KYNU: variants seen among roughly 807,000 people sequenced by gnomAD.
The protein encoded by KYNU is L-kynurenine hydrolase.
A neutral mutation model predicts 59.2 loss-of-function variants in KYNU; 54 were observed. That is an observed-to-expected ratio of 0.91 (90% CI 0.73 to 1.14). The LOEUF (loss-of-function observed/expected upper bound fraction) is 1.14. Ranked by LOEUF, KYNU falls within the 50% of genes most tolerant of loss-of-function variation. KYNU has a pLI of 0.00. For missense variants in KYNU, 567 were observed against 554.4 expected, an observed-to-expected ratio of 1.02 and a Z score of -0.23; for synonymous variants, 177 against 192.0, an observed-to-expected ratio of 0.92 and a Z score of 0.65.
chr2:142,953,442 G>T (rs1281329149), intron 4 of KYNU, among the ~76,000 whole-genome samples: 1 of 152,176 alleles, frequency 6.6e-6, no homozygotes, highest in African/African-American at 2.4e-5. Context: ...ATATAGAGTT[G>T]CTTTAGCCTC....
intron 2 of KYNU, among the ~76,000 whole-genome samples, chr2:142,901,131 C>T: frequency 6.6e-6 from 1 of 151,532 alleles, no homozygotes; most frequent in Non-Finnish European, 1.5e-5. Context: ...ACACACTTCA[C>T]AGGCCCTGAC....
chr2:142,911,442 A>C (rs1225302790), intron 2 of KYNU, among the ~76,000 whole-genome samples: 1 of 152,156 alleles, frequency 6.6e-6, no homozygotes, highest in Non-Finnish European at 1.5e-5. Flanking sequence ...ATTGTGTAGC[A>C]GTTCTAGGAG....
chr2:142,898,407 T>C (rs983761107), intron 2 of KYNU, among the ~76,000 whole-genome samples: 1 of 152,064 alleles, frequency 6.6e-6, no homozygotes, highest in African/African-American at 2.4e-5. Context: ...CTTTCATTCT[T>C]AGCTATGTCT....
intron 12 of KYNU, among the ~76,000 whole-genome samples, chr2:143,034,834 G>T (rs1367444670): frequency 6.6e-6 from 1 of 152,164 alleles, no homozygotes; most frequent in Non-Finnish European, 1.5e-5. Flanking sequence ...AATATCAGAA[G>T]CACCAGGACA....
chr2:142,988,623 G>A (rs570067903), intron 10 of KYNU, among the ~76,000 whole-genome samples: 4 of 151,914 alleles, frequency 2.6e-5, no homozygotes, highest in African/African-American at 9.6e-5. Context: ...AGCTGTTGTT[G>A]CATTTTAACA....
chr2:142,923,695 A>C (rs1682960903), intron 3 of KYNU, among the ~76,000 whole-genome samples: 1 of 152,228 alleles, frequency 6.6e-6, no homozygotes, highest in African/African-American at 2.4e-5. Context: ...TATGTTCCTA[A>C]AATAGAATCA....
rs115612992 is a variant in KYNU at position 142,923,409 on chromosome 2, T to C, written c.291-4250T>C. On this transcript the variant is annotated intron_variant, in intron 3 of 13. Coordinates refer to ENST00000264170, the MANE Select transcript of KYNU (RefSeq NM_003937.3). ...CCAGTATTCTGAAATATAAAACTTT[T>C]TGGGTGATTATATTTATTTGATACT... 7.6e-3 allele frequency among the ~76,000 whole-genome samples: 1,162 copies of C among 152,316 alleles called. 7 individuals carry two copies. Among genetic ancestry groups the C allele is most frequent in the African/African-American group, 0.027 (1,114 of 41,558 alleles).
intron 10 of KYNU, among the ~76,000 whole-genome samples, chr2:143,005,516 TAAG>T (rs1685851599): frequency 2.0e-5 from 3 of 151,890 alleles, no homozygotes; most frequent in Middle Eastern, 3.4e-3. Context: ...GACGAAAAAA[TAAG>T]AAGAAAGGCT....
At chr2:142,886,695 A>G (rs1681525529) in intron 2 of KYNU, among the ~76,000 whole-genome samples, 1 of 152,218 alleles carries the variant, frequency 6.6e-6, no homozygotes, top group South Asian at 2.1e-4. Flanking sequence ...AAATTTAGGA[A>G]AGGAATTCTT....
At position 142,905,455 on chromosome 2, in the gene KYNU, G is replaced by A. The variant is rs576572863; in HGVS notation, c.170-13154G>A. Among the ~76,000 whole-genome samples, 7 of 152,256 alleles carry A rather than the reference G, an allele frequency of 4.6e-5. No individual in the cohort carries two copies. The South Asian group carries it at 1.0e-3, about 23-fold the overall frequency. ...GAGGAAGCATCTATCCTTGTGTCCC[G>A]AAGGGAGTTCCTCCTAGGTCTGGTA... On this transcript the variant is annotated intron_variant, in intron 2 of 13. Transcript: ENST00000264170.
At chr2:142,955,908 G>T (rs1684146457) in intron 5 of KYNU, among the ~76,000 whole-genome samples, 1 of 152,060 alleles carries the variant, frequency 6.6e-6, no homozygotes, top group African/African-American at 2.4e-5. Flanking sequence ...TTAATCATCA[G>T]ACTTTAAGTT....
chr2:142,988,847 G>C, intron 10 of KYNU: 1 of 1,604,320 alleles, frequency 6.2e-7, no homozygotes, highest in Non-Finnish European at 8.5e-7. Flanking sequence ...TGCATTAGGA[G>C]ATCGGAGTTC....
chr2:143,030,045 T>C (rs1396730481), intron 11 of KYNU, among the ~76,000 whole-genome samples: 1 of 152,214 alleles, frequency 6.6e-6, no homozygotes, highest in Non-Finnish European at 1.5e-5. Context: ...ACTTTGCTGC[T>C]TAATAGTTTT....
rs1374105429 is a variant in KYNU at position 143,046,571 on chromosome 2, T to G, written c.*4399T>G. 1 of 151,256 alleles carries G rather than the reference T, an allele frequency of 6.6e-6. No individual in the cohort carries two copies. Among genetic ancestry groups the G allele is most frequent in the Admixed American group, 6.6e-5 (1 of 15,176 alleles). 9.4% of individuals were successfully genotyped at this position (151,256 alleles called of 1,614,324 possible). The stretch of plus-strand genomic sequence containing the variant: ...TTCTATATATCTATATAAATATAGA[T>G]ATGTAGATATATGAAAGCAATATAT... On this transcript the variant is annotated 3_prime_UTR_variant, in exon 14 of 14. Transcript: ENST00000264170.
intron 8 of KYNU, among the ~76,000 whole-genome samples, chr2:142,961,312 G>A (rs886777893): frequency 1.1e-4 from 14 of 125,116 alleles, no homozygotes; most frequent in Non-Finnish European, 1.7e-4. Context: ...CACTTCTGTG[G>A]TCTCACCTCC....
intron 2 of KYNU, among the ~76,000 whole-genome samples, chr2:142,898,894 G>C (rs1464385415): frequency 6.6e-6 from 1 of 152,188 alleles, no homozygotes; most frequent in Non-Finnish European, 1.5e-5. Flanking sequence ...GCTTGATTAG[G>C]ATGAACCCAG....
At chr2:142,959,831 T>G (rs1684282295) in intron 7 of KYNU, among the ~76,000 whole-genome samples, 1 of 152,214 alleles carries the variant, frequency 6.6e-6, no homozygotes. Context: ...TAGATTAGTT[T>G]GGAGGAGATT....
intron 10 of KYNU, chr2:142,988,719 ATTG>A: frequency 1.3e-6 from 1 of 773,246 alleles, no homozygotes; most frequent in East Asian, 2.5e-5. Flanking sequence ...TTTTCTGTTT[ATTG>A]TTTTCTCACA....
chr2:142,978,202 T>C (rs997309830), intron 8 of KYNU, among the ~76,000 whole-genome samples: 1 of 152,120 alleles, frequency 6.6e-6, no homozygotes, highest in African/African-American at 2.4e-5. Flanking sequence ...CTACCCTCTA[T>C]ATAAAGATGA....
Sources: gnomAD v4.1 joint callset for allele counts (sites outside exome capture counted in the v4.1 genomes callset) on GRCh38, gnomAD v4.1.1 for gene constraint, MANE v1.5 for transcripts, NCBI Gene and HGNC (gene_info 2026-07-23, HGNC 2026-07-21) for gene names.